Variants in GAB4 observed in about 807,000 individuals in gnomAD.
The protein encoded by GAB4 is GRB2-associated-binding protein 4.
In GAB4, 26 loss-of-function variants were observed where a neutral mutation model predicts 51.3. The ratio of observed to expected loss-of-function variants is 0.51; its 90% CI spans 0.37 to 0.70. GAB4 has a LOEUF of 0.70. Among genes scored for constraint, GAB4 ranks in the 30% least tolerant of loss-of-function variants. GAB4 has a pLI of 0.00. For synonymous variants in GAB4, 329 were observed against 291.2 expected (o/e 1.13, Z -1.32); for missense variants, 759 against 734.6 (o/e 1.03, Z -0.38).
intron 2 of GAB4, among the ~76,000 whole-genome samples, 167 bp downstream of exon 2, chr22:16,991,706 G>A (rs1189439315): frequency 1.3e-5 from 2 of 152,176 alleles, no homozygotes; most frequent in Non-Finnish European, 2.9e-5. Flanking sequence ...GAGGACTGAG[G>A]ATGGTAGTGG....
At chr22:16,968,447 C>T (rs2060701617) in intron 4 of GAB4, 64 bp from the exon 5 acceptor site, 1 of 1,181,844 alleles carries the variant, frequency 8.5e-7, no homozygotes, top group Non-Finnish European at 1.3e-6. Flanking sequence ...CCTCCCACGC[C>T]CTCCCCAGTG....
intron 5 of GAB4, chr22:16,966,677 G>A: frequency 3.1e-6 from 1 of 323,632 alleles, no homozygotes; most frequent in Admixed American, 4.4e-5. Flanking sequence ...TAGGGAGTAA[G>A]AGGAGAGAGG....
At chr22:16,963,223 C>T (rs375914567) in intron 9 of GAB4, among the ~76,000 whole-genome samples, 1 of 152,178 alleles carries the variant, frequency 6.6e-6, no homozygotes, top group African/African-American at 2.4e-5. Context: ...TCCAGGGGTG[C>T]CCTTGGTGAG....
chr22:16,964,713 G>A (rs1601243534), intron 8 of GAB4, 53 bp downstream of exon 8: 5 of 1,296,336 alleles, frequency 3.9e-6, no homozygotes, highest in East Asian at 2.3e-5. Flanking sequence ...GGACATGAGT[G>A]TGGGTCCCAG....
chr22:17,004,575 C>T (rs1364563986), intron 1 of GAB4, among the ~76,000 whole-genome samples: 2 of 152,182 alleles, frequency 1.3e-5, no homozygotes, highest in Admixed American at 6.5e-5. Flanking sequence ...ATGACAAAAA[C>T]CACATGATTA....
At chr22:16,994,055 T>C (rs2060933113) in intron 1 of GAB4, among the ~76,000 whole-genome samples, 1 of 151,880 alleles carries the variant, frequency 6.6e-6, no homozygotes, top group Non-Finnish European at 1.5e-5. Flanking sequence ...ATTTCTCCCA[T>C]CTTAGAAAAA....
At chr22:17,004,292 A>C (rs1206594141) in intron 1 of GAB4, among the ~76,000 whole-genome samples, 3 of 152,214 alleles carry the variant, frequency 2.0e-5, no homozygotes, top group Non-Finnish European at 4.4e-5. Context: ...TATTCCAAAC[A>C]ATGCAAAAAG....
intron 1 of GAB4, among the ~76,000 whole-genome samples, chr22:16,996,948 G>A (rs1394587278): frequency 6.6e-6 from 1 of 151,960 alleles, no homozygotes; most frequent in African/African-American, 2.4e-5. Context: ...TGCTGAGAAT[G>A]ATGGATTCCA....
chr22:16,978,136 G>A (rs1375790550), intron 3 of GAB4, among the ~76,000 whole-genome samples: 3 of 152,056 alleles, frequency 2.0e-5, no homozygotes, highest in Admixed American at 6.5e-5. Flanking sequence ...CGAAGCAAGA[G>A]CAAACAAATT....
chr22:16,998,333 T>C (rs925842087), intron 1 of GAB4, among the ~76,000 whole-genome samples: 1 of 152,246 alleles, frequency 6.6e-6, no homozygotes, highest in Non-Finnish European at 1.5e-5. Context: ...AGCAGTGTTC[T>C]GTAGTTCTCC....
In GAB4 at chr22:16,963,749, C is replaced by T. The variant is rs904113319; in HGVS notation, c.1557G>A (p.Ala519=). 12 of 1,613,546 alleles carry T rather than the reference C, an allele frequency of 7.4e-6. No homozygotes were observed. Among genetic ancestry groups the T allele is most frequent in the African/African-American group, 4.0e-5 (3 of 74,888 alleles). ...PPRSTGNIHY[A]ALDFQPSKPS... ...CCTTGCTCGGCTGGAAGTCCAGGGC[C>T]GCGTAGTGGATGTTACCAGTGCTCC... Residue 519 remains alanine, a synonymous_variant, in exon 9 of 10, where the codon GCG becomes GCA. Transcript: ENST00000400588.
At chr22:16,989,556 A>G (rs2060896949) in intron 2 of GAB4, among the ~76,000 whole-genome samples, 1 of 152,226 alleles carries the variant, frequency 6.6e-6, no homozygotes. Flanking sequence ...ATGAGCTCCC[A>G]TGCAGGTCTC....
intron 8 of GAB4, 46 bp downstream of exon 8, chr22:16,964,720 C>T (rs746129752): frequency 1.5e-6 from 2 of 1,373,448 alleles, no homozygotes; most frequent in East Asian, 2.3e-5. Context: ...AGTGTGGGTC[C>T]CAGGGGACTC....
chr22:16,991,984 T>G lies in GAB4; in HGVS notation c.367A>C (p.Ile123Leu). ...TAAAAGGTACGCTCACTGGTCTTGA[T>G]GTCAAACATATAGCCCTTCTGAATC... ...KEIQKGYMFD[I>L]KTSERTFYLV... The change falls in exon 2 of 10, where the codon ATC becomes CTC. Residue 123 changes from isoleucine to leucine, a missense_variant. Ile to Leu is a conservative substitution (Grantham distance 5). Around this residue, in one of 3 missense-constraint regions of GAB4, gnomAD observed 88 missense variants for 151.3 expected, o/e 0.58. Transcript: ENST00000400588. 6.2e-7 allele frequency: 1 copy of G among 1,614,190 alleles called. No homozygotes were observed. Among genetic ancestry groups the G allele is most frequent in the East Asian group, 2.2e-5 (1 of 44,878 alleles).
At chr22:16,977,459 T>A (rs2060788809) in intron 3 of GAB4, among the ~76,000 whole-genome samples, 1 of 152,046 alleles carries the variant, frequency 6.6e-6, no homozygotes, top group Admixed American at 6.5e-5. Context: ...AGGGATTAAT[T>A]CAACAAGAAG....
chr22:16,989,073 C>T (rs1292247563), intron 2 of GAB4, among the ~76,000 whole-genome samples: 2 of 152,168 alleles, frequency 1.3e-5, no homozygotes, highest in African/African-American at 2.4e-5. Flanking sequence ...TTTTGAGAAC[C>T]GCTACTGATG....
intron 3 of GAB4, among the ~76,000 whole-genome samples, chr22:16,984,265 C>T (rs905297001): frequency 1.1e-4 from 16 of 152,132 alleles, no homozygotes; most frequent in Non-Finnish European, 2.1e-4. Context: ...TCATCTCCCC[C>T]AGTTAAAATG....
rs1232493988 is a variant in GAB4 at position 17,008,044 on chromosome 22, G to T, written c.71C>A (p.Ser24Ter). The T allele has an allele frequency of 2.5e-6, 4 of 1,608,490 alleles. No individual in the cohort carries two copies. The highest frequency in any genetic ancestry group is 2.2e-5 in the South Asian group (2 of 89,886). ...GCCGGCGGGGCCACTTCCGGGCCAC[G>T]AAGACAAAGGCGCAAATGCCGGGTC... Reference protein sequence around the residue: ...PPDPAFAPLSSWPGSGPAGGS... With the variant: ...PPDPAFAPLS The change falls in exon 1 of 10, where the codon TCG becomes TAG. Residue 24 changes from serine (S) to a stop codon, truncating the protein, a stop_gained. Transcript: ENST00000400588. LOFTEE classifies it high-confidence loss of function.
intron 2 of GAB4, among the ~76,000 whole-genome samples, chr22:16,990,834 C>T (rs1260340513): frequency 1.3e-5 from 2 of 152,126 alleles, no homozygotes; most frequent in South Asian, 2.1e-4. Context: ...TGTTTTGTCC[C>T]AGAGTTTCTG....
Sources: gnomAD v4.1 joint callset for allele counts (sites outside exome capture counted in the v4.1 genomes callset) on GRCh38, gnomAD v4.1.1 for gene constraint, gnomAD v4.1.1 regional missense constraint, MANE v1.5 for transcripts, NCBI Gene and HGNC (gene_info 2026-07-23, HGNC 2026-07-21) for gene names.